The following SNTA1 variants were observed in gnomAD, a reference collection of about 807,000 sequenced individuals.
The protein encoded by SNTA1 is syntrophin alpha 1, also known as alpha-1-syntrophin.
Under a neutral mutation model 47.1 loss-of-function variants are expected in SNTA1, and 31 were observed. The observed-to-expected ratio is 0.66, with a 90% CI of 0.49 to 0.89. The LOEUF is 0.89. Ranked by LOEUF, SNTA1 falls within the 40% of genes least tolerant of loss-of-function variation. The probability of loss-of-function intolerance (pLI) is 0.00; values close to 1 mark genes in which losing one functional copy is unlikely to be tolerated. For synonymous variants in SNTA1, 300 were observed against 313.6 expected (o/e 0.96, Z 0.46); for missense variants, 575 against 693.0 (o/e 0.83, Z 1.91).
At chr20:33,412,908 G>A (rs903283316) in intron 3 of SNTA1, 126 bp from the exon 4 acceptor site, 3 of 714,592 alleles carry the variant, frequency 4.2e-6, no homozygotes, top group African/African-American at 1.7e-5. Flanking sequence ...AGAGAATCAG[G>A]AGCAACCCTC....
At chr20:33,438,336 T>C (rs570292216) in intron 2 of SNTA1, among the ~76,000 whole-genome samples, 1 of 151,864 alleles carries the variant, frequency 6.6e-6, no homozygotes, top group South Asian at 2.1e-4. Flanking sequence ...CCAAGGCTTC[T>C]CCCAAAGGAG....
intron 5 of SNTA1, 43 bp downstream of exon 5, chr20:33,412,253 T>C (rs1339201859): frequency 4.4e-6 from 7 of 1,590,868 alleles, no homozygotes; most frequent in Non-Finnish European, 6.0e-6. Context: ...GAGCATCTCC[T>C]GGCAAGTTCT....
At chr20:33,439,047 G>C (rs546697137) in intron 1 of SNTA1, 21 bp from the exon 2 acceptor site, 2 of 1,609,720 alleles carry the variant, frequency 1.2e-6, no homozygotes, top group East Asian at 2.2e-5. Flanking sequence ...ACAGAAGGAG[G>C]ACAAGACTTA....
In SNTA1 at chr20:33,412,691, G is replaced by C. The variant is rs373610918; in HGVS notation, c.793C>G (p.Gln265Glu). ...ASARSWATAI[Q>E]AQVNTLTPRV... ...GGCGTCAGAGTATTGACCTGGGCTT[G>C]GATGGCAGTCGCCCACGACCTCGCA... Residue 265 changes from glutamine (Q) to glutamate (E), a missense_variant, in exon 4 of 8, where the codon CAA becomes GAA. Physicochemically the swap from Gln to Glu is conservative, Grantham distance 29 (BLOSUM62 2). Transcript: ENST00000217381. 3 of 1,613,730 alleles carry C rather than the reference G, an allele frequency of 1.9e-6. No individual in the cohort carries two copies. Among genetic ancestry groups the C allele is most frequent in the East Asian group, 4.5e-5 (2 of 44,892 alleles).
At position 33,408,867 on chromosome 20, in the gene SNTA1, G is replaced by A. The variant is rs1989665911; in HGVS notation, c.1259C>T (p.Pro420Leu). 1 of 1,613,996 alleles carries A rather than the reference G, an allele frequency of 6.2e-7. No individual in the cohort carries two copies. The highest frequency in any genetic ancestry group is 8.5e-7 in the Non-Finnish European group (1 of 1,180,044). ...VSTACTWNGR[P>L]CSLSVHIDKG... Reference sequence around the variant, plus strand: ...GTCGATGTGCACAGACAGGCTGCAGGGACGCCCATTCCACGTGCAGGCTGC... The same window carrying A: ...GTCGATGTGCACAGACAGGCTGCAGAGACGCCCATTCCACGTGCAGGCTGC... Residue 420 changes from proline to leucine, a missense_variant, in exon 7 of 8, where the codon CCC becomes CTC. Coordinates refer to ENST00000217381, the MANE Select transcript of SNTA1 (RefSeq NM_003098.3).
chr20:33,408,614 G>A lies in SNTA1; in HGVS notation c.1426-15C>T. The A allele has an allele frequency of 1.2e-6, 2 of 1,612,864 alleles. No homozygotes were observed. Among genetic ancestry groups the A allele is most frequent in the Non-Finnish European group, 1.7e-6 (2 of 1,178,830 alleles). ...AGGTCCAGCTGCTGGAGGGTGGATG[G>A]AGAGAAGAGTCAGGGCCCTGGCCAG... On this transcript the variant is annotated splice_polypyrimidine_tract_variant and intron_variant, in intron 7 of 7. Transcript: ENST00000217381.
chr20:33,429,334 TAAAAAAAAAAAAAAAAAA>T (rs35077145), intron 2 of SNTA1, among the ~76,000 whole-genome samples: 3 of 25,094 alleles, frequency 1.2e-4, no homozygotes, highest in African/African-American at 3.0e-4. Flanking sequence ...AGACTCCACC[TAAAAAAAAAAAAAAAAAA>T]AAAAAAAAAA....
chr20:33,438,677 C>G (rs1990502254), intron 2 of SNTA1, among the ~76,000 whole-genome samples, 164 bp downstream of exon 2: 1 of 152,184 alleles, frequency 6.6e-6, no homozygotes, highest in Non-Finnish European at 1.5e-5. Flanking sequence ...CTCCACCACC[C>G]CACACTGTCT....
chr20:33,437,161 G>A (rs1289987986), intron 2 of SNTA1, among the ~76,000 whole-genome samples: 1 of 151,638 alleles, frequency 6.6e-6, no homozygotes, highest in Non-Finnish European at 1.5e-5. Context: ...TACTCAGGAG[G>A]CGGAGGCAGA....
At chr20:33,419,720 C>A (rs1989973009) in intron 2 of SNTA1, among the ~76,000 whole-genome samples, 1 of 152,154 alleles carries the variant, frequency 6.6e-6, no homozygotes, top group African/African-American at 2.4e-5. Context: ...AGCTTCTCCC[C>A]AGCTTAGAGG....
At chr20:33,423,963 C>T (rs1990095707) in intron 2 of SNTA1, among the ~76,000 whole-genome samples, 1 of 152,084 alleles carries the variant, frequency 6.6e-6, no homozygotes, top group Non-Finnish European at 1.5e-5. Flanking sequence ...AATGTCAGTT[C>T]CCGGAGAGCA....
intron 2 of SNTA1, among the ~76,000 whole-genome samples, chr20:33,430,342 G>A (rs531530793): frequency 4.2e-5 from 6 of 141,280 alleles, no homozygotes; most frequent in African/African-American, 1.6e-4. Context: ...AGGCTGGAGT[G>A]CCGTGGCGTG....
Position 33,410,339 on chromosome 20 carries a change from T to G in SNTA1, c.1041-8A>C. The G allele has an allele frequency of 1.3e-6, 2 of 1,586,516 alleles. No individual in the cohort carries two copies. Among genetic ancestry groups the G allele is most frequent in the Non-Finnish European group, 1.7e-6 (2 of 1,163,090 alleles). Reference sequence around the variant, plus strand: ...GGGCCTGAGTGCACCAGTCTGGGGGTTGGGGGCAGAGGGCTGAGCATGAGG... The same window carrying G: ...GGGCCTGAGTGCACCAGTCTGGGGGGTGGGGGCAGAGGGCTGAGCATGAGG... On this transcript the variant is annotated splice_region_variant and splice_polypyrimidine_tract_variant and intron_variant, in intron 5 of 7. Transcript: ENST00000217381.
Position 33,412,393 on chromosome 20 carries a change from G to A in SNTA1, c.943C>T (p.Leu315=). Reference sequence around the variant, plus strand: ...AGGAGCAGTTCCTTTTCAGTTAGCAGGGCCAGGGTGGGGGCTGTGCCCCCA... The same window carrying A: ...AGGAGCAGTTCCTTTTCAGTTAGCAAGGCCAGGGTGGGGGCTGTGCCCCCA... ...PSGGTAPTLA[L]LTEKELLLYL... The change falls in exon 5 of 8, where the codon CTG becomes TTG. Residue 315 remains leucine, a synonymous_variant. Coordinates refer to ENST00000217381, the MANE Select transcript of SNTA1 (RefSeq NM_003098.3). 3 of 1,611,098 alleles carry A rather than the reference G, an allele frequency of 1.9e-6. No individual in the cohort carries two copies. The highest frequency in any genetic ancestry group is 2.5e-6 in the Non-Finnish European group (3 of 1,179,150).
rs1374381593 is a variant in SNTA1 at position 33,443,408 on chromosome 20, G to A, written c.213C>T (p.Gly71=). Residue 71 remains glycine, a synonymous_variant, in exon 1 of 8, where the codon GGC becomes GGT. Coordinates refer to ENST00000217381, the MANE Select transcript of SNTA1 (RefSeq NM_003098.3). ...PAQLNGAAEP[G]AGPPQLPEAL... is the part of the protein sequence containing the mutation. ...CCTCTGGCAGCTGCGGGGGCCCGGC[G>A]CCCGGCTCCGCGGCGCCGTTGAGCT... 1.5e-6 allele frequency: 2 copies of A among 1,344,118 alleles called. No homozygotes were observed. Among genetic ancestry groups the A allele is most frequent in the Non-Finnish European group, 1.9e-6 (2 of 1,055,874 alleles). 83.3% of individuals were successfully genotyped at this position (1,344,118 alleles called of 1,614,324 possible). A position where few individuals can be genotyped will look rare whatever the true frequency, so the allele number is the denominator to read the frequency against.
chr20:33,423,872 G>A (rs1990093167), intron 2 of SNTA1, among the ~76,000 whole-genome samples: 1 of 152,150 alleles, frequency 6.6e-6, no homozygotes, highest in African/African-American at 2.4e-5. Context: ...TGTTCAGTGG[G>A]TGGTCATTTA....
chr20:33,442,660 C>G (rs900417335), intron 1 of SNTA1, among the ~76,000 whole-genome samples: 1 of 152,110 alleles, frequency 6.6e-6, no homozygotes, highest in African/African-American at 2.4e-5. Flanking sequence ...CAAACACAGT[C>G]TGGTTGCACC....
chr20:33,443,634 C>A lies in SNTA1; in HGVS notation c.-14G>T. 1 of 1,201,798 alleles carries A rather than the reference C, an allele frequency of 8.3e-7. No homozygotes were observed. The highest frequency in any genetic ancestry group is 1.0e-6 in the Non-Finnish European group (1 of 967,422). 74.4% of individuals were successfully genotyped at this position (1,201,798 alleles called of 1,614,324 possible). A position where few individuals can be genotyped will look rare whatever the true frequency, so the allele number is the denominator to read the frequency against. ...GCCGGACGCCATCTTCGCCTCCGAG[C>A]CCCCGGGCCGCCGCGCTCGCCCTGT... On this transcript the variant is annotated 5_prime_UTR_variant, in exon 1 of 8. Coordinates refer to ENST00000217381, the MANE Select transcript of SNTA1 (RefSeq NM_003098.3).
In SNTA1 at chr20:33,418,023, A is replaced by G. The variant is rs569251187; in HGVS notation, c.497-100T>C. 193 of 794,084 alleles carry G rather than the reference A, an allele frequency of 2.4e-4. No individual in the cohort carries two copies. In the African/African-American group the frequency reaches 3.0e-3, roughly 12 times the overall value. 49.2% of individuals were successfully genotyped at this position (794,084 alleles called of 1,614,324 possible). ...TTAAGAGTTTAATTTACGTGTCACTATTAGACCCTTAGTAAGCAAGAGTCC... is the reference window on the plus strand; with the variant it reads ...TTAAGAGTTTAATTTACGTGTCACTGTTAGACCCTTAGTAAGCAAGAGTCC... On this transcript the variant is annotated intron_variant, in intron 2 of 7. Transcript: ENST00000217381.
Sources: allele counts gnomAD v4.1 joint callset (sites outside exome capture counted in the v4.1 genomes callset), GRCh38; gene constraint gnomAD v4.1.1; transcripts MANE v1.5; gene names NCBI Gene and HGNC (gene_info 2026-07-23, HGNC 2026-07-21).